The following XCR1 variants were observed in gnomAD, a reference collection of about 807,000 sequenced individuals.
XCR1 encodes the protein X-C motif chemokine receptor 1, also known as chemokine XC receptor 1.
For synonymous variants in XCR1, 187 were observed against 188.5 expected, an observed-to-expected ratio of 0.99 and a Z score of 0.06; for missense variants, 356 against 424.2, an observed-to-expected ratio of 0.84 and a Z score of 1.41.
At chr3:46,033,526 C>T (rs1489334947) in intron 5 of XCR1, among the ~76,000 whole-genome samples, 1 of 152,134 alleles carries the variant, frequency 6.6e-6, no homozygotes, top group African/African-American at 2.4e-5. Context: ...CTGTTATGTT[C>T]TGCTAGTATA....
rs996940057 is a variant in XCR1 at position 46,020,332 on chromosome 3, C to T, written c.*614G>A. The T allele has an allele frequency of 6.6e-6, 1 of 152,418 alleles. No homozygotes were observed. Among genetic ancestry groups the T allele is most frequent in the Non-Finnish European group, 1.5e-5 (1 of 68,230 alleles). 9.4% of individuals were successfully genotyped at this position (152,418 alleles called of 1,614,324 possible). ...TGAGCTAAATTTTTAAGGGCCAGTT[C>T]GTGGGCTAGGACTTGAATCCAGGAT... On this transcript the variant is annotated 3_prime_UTR_variant, in exon 2 of 2. Transcript: ENST00000309285.
intron 3 of XCR1, among the ~76,000 whole-genome samples, chr3:46,069,567 T>C (rs554875862): frequency 6.6e-6 from 1 of 152,298 alleles, no homozygotes; most frequent in Admixed American, 6.5e-5. Context: ...ATTAATAGCC[T>C]ACTATTGACC....
intron 3 of XCR1, among the ~76,000 whole-genome samples, chr3:46,069,906 C>CTATT (rs1478326929): frequency 1.4e-5 from 2 of 139,440 alleles, no homozygotes; most frequent in Non-Finnish European, 3.1e-5. Context: ...AATTTGCGAT[C>CTATT]TATTTTTTTT....
chr3:46,035,568 C>G (rs1423187378), intron 5 of XCR1, among the ~76,000 whole-genome samples: 3 of 152,120 alleles, frequency 2.0e-5, no homozygotes, highest in Non-Finnish European at 2.9e-5. Flanking sequence ...CAGCTGCCCA[C>G]TCAGTTTTGG....
chr3:46,056,431 G>C (rs1356634244), intron 4 of XCR1, among the ~76,000 whole-genome samples: 1 of 151,606 alleles, frequency 6.6e-6, no homozygotes, highest in African/African-American at 2.4e-5. Context: ...TTAAAACTTG[G>C]GGGGATGGTA....
At chr3:46,023,349 C>G (rs1214352112) in intron 1 of XCR1, 7 of 1,356,046 alleles carry the variant, frequency 5.2e-6, no homozygotes, top group Non-Finnish European at 7.3e-6. Context: ...GCAGACGAGC[C>G]GACCGTTTAT....
intron 5 of XCR1, among the ~76,000 whole-genome samples, chr3:46,034,213 C>A (rs552642696): frequency 4.3e-4 from 66 of 152,252 alleles, no homozygotes; most frequent in Non-Finnish European, 5.7e-4. Flanking sequence ...ATCAGGTGAT[C>A]CACCCTACTT....
intron 4 of XCR1, among the ~76,000 whole-genome samples, chr3:46,054,143 A>G (rs909754704): frequency 1.2e-4 from 19 of 152,190 alleles, no homozygotes; most frequent in Admixed American, 5.2e-4. Flanking sequence ...GGGGTCAGGG[A>G]GCACCTTGCC....
At chr3:46,082,622 C>T (rs1175278883) in intron 1 of XCR1, among the ~76,000 whole-genome samples, 2 of 150,896 alleles carry the variant, frequency 1.3e-5, no homozygotes, top group African/African-American at 4.9e-5. Flanking sequence ...TCCCGAGTAG[C>T]TGGGGCAACA....
At position 46,021,337 on chromosome 3, in the gene XCR1, C is replaced by A; in HGVS notation, c.611G>T (p.Cys204Phe). 1 of 1,614,170 alleles carries A rather than the reference C, an allele frequency of 6.2e-7. No homozygotes were observed. The highest frequency in any genetic ancestry group is 1.1e-5 in the South Asian group (1 of 91,080). The change falls in exon 2 of 2, where the codon TGC (cysteine) becomes TTC (phenylalanine). Residue 204 changes from cysteine to phenylalanine, a missense_variant. Coordinates refer to ENST00000309285, the MANE Select transcript of XCR1 (RefSeq NM_001024644.2). The surrounding 1 kb of genome is among the most constrained non-coding windows in gnomAD (Gnocchi z 4.7). Reference sequence around the variant, plus strand: ...CAGGGTCCTGAGGATCTCCACGTAGCAGAACAGGATAATCCCCAGGGACAG... The same window carrying A: ...CAGGGTCCTGAGGATCTCCACGTAGAAGAACAGGATAATCCCCAGGGACAG... The part of the protein sequence containing the change: ...FLLSLGIILF[C>F]YVEILRTLFR...
intron 5 of XCR1, among the ~76,000 whole-genome samples, chr3:46,051,095 G>A (rs778404200): frequency 5.3e-5 from 8 of 152,172 alleles, no homozygotes; most frequent in Admixed American, 3.9e-4. Context: ...GGCTTAGGCG[G>A]AGGAGAAATA....
intron 4 of XCR1, among the ~76,000 whole-genome samples, chr3:46,063,281 T>C (rs1049976558): frequency 6.6e-5 from 10 of 152,146 alleles, no homozygotes; most frequent in Non-Finnish European, 1.0e-4. Context: ...GGGAAGCTGC[T>C]ACTAATCCTA....
chr3:46,039,934 AG>A (rs1697509208), intron 5 of XCR1, among the ~76,000 whole-genome samples: 1 of 152,236 alleles, frequency 6.6e-6, no homozygotes, highest in African/African-American at 2.4e-5. Flanking sequence ...AAATTATAAA[AG>A]GTTACAAAAG....
upstream of XCR1, among the ~76,000 whole-genome samples, chr3:46,028,467 C>T (rs1334423489): frequency 1.3e-5 from 2 of 151,294 alleles, no homozygotes; most frequent in Non-Finnish European, 1.5e-5. Flanking sequence ...GTTATTTCTA[C>T]ATTCTGGATA....
chr3:46,066,843 C>T lies in XCR1; in HGVS notation c.-183+56G>A, dbSNP rs147656252. On this transcript the variant is annotated intron_variant, in intron 4 of 5. Coordinates refer to the XCR1 transcript ENST00000683768. ...TCTGAATTGCAGATAATTATAACAC[C>T]GACTTTACTGAGTTGGTGTGAGGAT... 9.8e-4 allele frequency among the ~76,000 whole-genome samples: 149 copies of T among 152,226 alleles called. 1 individual carries two copies. In the South Asian group the frequency reaches 0.019, roughly 19 times the overall value.
chr3:46,064,013 A>C (rs1162022080), intron 4 of XCR1, among the ~76,000 whole-genome samples: 1 of 152,000 alleles, frequency 6.6e-6, no homozygotes, highest in Non-Finnish European at 1.5e-5. Context: ...GCTGGGACTA[A>C]AGGTGGATGT....
In XCR1 at chr3:46,049,565, C is replaced by T. The variant is rs79169487; in HGVS notation, c.-32+4355G>A. ...GTTTCTATGTGACTGGCTACATTTA[C>T]AACGTAAGCTGAATCACAGACAATT... On this transcript the variant is annotated intron_variant, in intron 5 of 5. Coordinates refer to the XCR1 transcript ENST00000683768. Among the ~76,000 whole-genome samples, 52 of 152,268 alleles carry T rather than the reference C, an allele frequency of 3.4e-4. No individual in the cohort carries two copies. In the East Asian group the frequency reaches 3.7e-3, roughly 11 times the overall value.
chr3:46,075,092 C>A (rs2125903581), intron 2 of XCR1, among the ~76,000 whole-genome samples: 1 of 151,996 alleles, frequency 6.6e-6, no homozygotes, highest in Middle Eastern at 3.4e-3. Flanking sequence ...GGAAGAATCA[C>A]TCTACCCAAT....
intron 5 of XCR1, among the ~76,000 whole-genome samples, chr3:46,044,218 C>T (rs1212985495): frequency 6.6e-6 from 1 of 152,136 alleles, no homozygotes; most frequent in East Asian, 1.9e-4. Flanking sequence ...AACACCTGAC[C>T]TCAGGTGATC....
Sources: gnomAD v4.1 joint callset for allele counts (sites outside exome capture counted in the v4.1 genomes callset) on GRCh38, gnomAD v4.1.1 for gene constraint, Gnocchi (gnomAD v3.1) non-coding constraint, MANE v1.5 for transcripts, NCBI Gene and HGNC (gene_info 2026-07-23, HGNC 2026-07-21) for gene names.